The following COL26A1 variants were observed in gnomAD, a reference collection of about 807,000 sequenced individuals.
COL26A1 encodes collagen alpha-1(XXVI) chain.
COL26A1 carries 41 observed loss-of-function variants against 59.3 expected under a neutral mutation model. The ratio of observed to expected loss-of-function variants is 0.69; its 90% CI spans 0.54 to 0.90. The LOEUF is 0.90. Ranked by LOEUF, COL26A1 falls within the 40% of genes least tolerant of loss-of-function variation. COL26A1 has a pLI of 0.00. For missense variants in COL26A1, 612 were observed against 602.3 expected (o/e 1.02, Z -0.17); for synonymous variants, 266 against 256.0 (o/e 1.04, Z -0.37).
chr7:101,388,087 T>A (rs1191374969), intron 1 of COL26A1, among the ~76,000 whole-genome samples: 3 of 151,080 alleles, frequency 2.0e-5, no homozygotes, highest in African/African-American at 4.8e-5. Context: ...TTAAACCATT[T>A]CCCAGTGTAT....
At chr7:101,534,376 C>T (rs1307613945) in intron 4 of COL26A1, among the ~76,000 whole-genome samples, 3 of 152,180 alleles carry the variant, frequency 2.0e-5, no homozygotes, top group Non-Finnish European at 4.4e-5. Context: ...GCCATGCCTC[C>T]ACCCAGAAGA....
intron 5 of COL26A1, among the ~76,000 whole-genome samples, chr7:101,542,479 T>C (rs956377785): frequency 1.3e-5 from 2 of 152,088 alleles, no homozygotes; most frequent in African/African-American, 4.8e-5. Flanking sequence ...CTCAGAGAAG[T>C]TAAGTGACAC....
chr7:101,486,263 A>G (rs1794266714), intron 3 of COL26A1, among the ~76,000 whole-genome samples: 1 of 151,234 alleles, frequency 6.6e-6, no homozygotes, highest in Non-Finnish European at 1.5e-5. Context: ...ACCCTTGGGA[A>G]GGGAACAGAC....
At chr7:101,464,291 T>C (rs1457527653) in intron 3 of COL26A1, among the ~76,000 whole-genome samples, 29 of 151,958 alleles carry the variant, frequency 1.9e-4, no homozygotes, top group Admixed American at 1.9e-3. Flanking sequence ...GTAGAGATAG[T>C]GTTTCACCAT....
intron 3 of COL26A1, among the ~76,000 whole-genome samples, chr7:101,505,180 ATGT>A (rs1396237440): frequency 4.4e-5 from 5 of 114,598 alleles, no homozygotes; most frequent in Non-Finnish European, 9.7e-5. Context: ...GTGTAGATCC[ATGT>A]TGGGTGGGTG....
At chr7:101,520,631 CAT>C (rs1031081888) in intron 3 of COL26A1, among the ~76,000 whole-genome samples, 11 of 132,506 alleles carry the variant, frequency 8.3e-5, no homozygotes, top group African/African-American at 2.6e-4. Context: ...AGCACAGACA[CAT>C]ACACACACAC....
intron 3 of COL26A1, among the ~76,000 whole-genome samples, chr7:101,473,111 A>G (rs1793944552): frequency 6.8e-6 from 1 of 146,328 alleles, no homozygotes; most frequent in Non-Finnish European, 1.5e-5. Flanking sequence ...ACGGAGTCTC[A>G]CTCTGTCGCC....
At chr7:101,554,707 G>C (rs1262167133) in intron 11 of COL26A1, among the ~76,000 whole-genome samples, 1 of 151,942 alleles carries the variant, frequency 6.6e-6, no homozygotes, top group Non-Finnish European at 1.5e-5. Context: ...TCGTGCCACT[G>C]TACTCCAGTC....
At chr7:101,391,046 C>T (rs769533648) in intron 1 of COL26A1, among the ~76,000 whole-genome samples, 40 of 152,182 alleles carry the variant, frequency 2.6e-4, no homozygotes, top group Non-Finnish European at 4.7e-4. Context: ...TGAGGTCAGC[C>T]GCTGCCTGGC....
chr7:101,489,754 C>CTCTCTTTCTT lies in COL26A1; in HGVS notation c.385+41971_385+41980dup, dbSNP rs1794374609. Among the ~76,000 whole-genome samples the CTCTCTTTCTT allele has an allele frequency of 2.5e-4, 12 of 47,474 alleles. 1 individual carries two copies. In the East Asian group the frequency reaches 3.8e-3, roughly 15 times the overall value. 31.1% of individuals were successfully genotyped at this position (47,474 alleles called of 152,430 possible). On this transcript the variant is annotated intron_variant, in intron 3 of 12. Transcript: ENST00000313669. ...CTCTCTTTCTCTCTTTCTTTCTTGTCTCTCTTTCTTTCTTTCTTTCTTTCT... is the reference window on the plus strand; with the variant it reads ...CTCTCTTTCTCTCTTTCTTTCTTGTCTCTCTTTCTTTCTCTTTCTTTCTTTCTTTCTTTCT...
Position 101,555,904 on chromosome 7 carries a change from T to A in COL26A1, c.1165+33T>A, listed in dbSNP as rs1795965150. The A allele has an allele frequency of 2.6e-6, 4 of 1,548,196 alleles. No homozygotes were observed. The East Asian group carries it at 9.4e-5, about 36-fold the overall frequency. On this transcript the variant is annotated intron_variant, in intron 12 of 12. Transcript: ENST00000313669. ...GTGACCAGGATCAGCGGGCTGGGAA[T>A]CTCTCTCCCCTCCTTCCTCTCCCAA... is the stretch of plus-strand genomic sequence containing the variant.
intron 1 of COL26A1, chr7:101,388,899 G>C (rs6960955): frequency 0.12 from 21,363 of 182,554 alleles, 1,397 homozygotes; most frequent in Non-Finnish European, 0.15. Context: ...CTTAGCGACT[G>C]AGTAGCTCCT....
At chr7:101,475,145 G>A (rs1391896549) in intron 3 of COL26A1, among the ~76,000 whole-genome samples, 1 of 150,694 alleles carries the variant, frequency 6.6e-6, no homozygotes, top group Non-Finnish European at 1.5e-5. Context: ...GAGGTGAGCC[G>A]AGATCGCGCC....
At chr7:101,470,563 G>A (rs891017730) in intron 3 of COL26A1, among the ~76,000 whole-genome samples, 5 of 151,780 alleles carry the variant, frequency 3.3e-5, no homozygotes, top group African/African-American at 7.3e-5. Flanking sequence ...CTGTATCGCC[G>A]TTGCTCTCTG....
intron 3 of COL26A1, among the ~76,000 whole-genome samples, chr7:101,462,014 T>G (rs1793625865): frequency 1.3e-5 from 2 of 151,134 alleles, no homozygotes; most frequent in Admixed American, 1.3e-4. Context: ...TTTTTTTTTT[T>G]TTTGAGACGA....
In COL26A1 at chr7:101,378,121, T is replaced by TG. The variant is rs1408513052; in HGVS notation, c.158+14932dup. ...GGGGCTGGGCCTGGTGGCTCAAACC[T>TG]GTAATCCCAGCACTTTGGGAGACTG... On this transcript the variant is annotated intron_variant, in intron 1 of 12. Coordinates refer to ENST00000313669, the MANE Select transcript of COL26A1 (RefSeq NM_001278563.3). Among the ~76,000 whole-genome samples, 47 of 152,194 alleles carry TG rather than the reference T, an allele frequency of 3.1e-4. No homozygotes were observed. In the South Asian group the frequency reaches 9.6e-3, roughly 31 times the overall value.
At chr7:101,473,601 C>A (rs1461758736) in intron 3 of COL26A1, among the ~76,000 whole-genome samples, 3 of 145,306 alleles carry the variant, frequency 2.1e-5, no homozygotes, top group East Asian at 2.1e-4. Context: ...AGAGCAACAC[C>A]TTGTCTCCAC....
chr7:101,481,447 A>AATATATATATAT (rs60951062), intron 3 of COL26A1, among the ~76,000 whole-genome samples: 1 of 143,476 alleles, frequency 7.0e-6, no homozygotes, highest in Admixed American at 7.1e-5. Context: ...AATCTCCCAA[A>AATATATATATAT]ATATATATAT....
chr7:101,539,755 A>G (rs900934476), intron 4 of COL26A1, 138 bp from the exon 5 acceptor site: 2 of 847,832 alleles, frequency 2.4e-6, no homozygotes, highest in Non-Finnish European at 3.5e-6. Context: ...AGGTTCTCCC[A>G]CTAAGGAGCG....
Sources: allele counts gnomAD v4.1 joint callset (sites outside exome capture counted in the v4.1 genomes callset), GRCh38; gene constraint gnomAD v4.1.1; transcripts MANE v1.5; gene names NCBI Gene and HGNC (gene_info 2026-07-23, HGNC 2026-07-21).